The following CACNB2 variants were observed in gnomAD, a reference collection of about 807,000 sequenced individuals.
CACNB2 encodes calcium voltage-gated channel auxiliary subunit beta 2.
A neutral mutation model predicts 73.3 loss-of-function variants in CACNB2; 42 were observed. The ratio of observed to expected loss-of-function variants is 0.57; its 90% CI spans 0.45 to 0.74. The LOEUF (loss-of-function observed/expected upper bound fraction) is 0.74, where lower values mean the gene tolerates loss of function less well. CACNB2 is among the 30% of genes least tolerant of loss of function. The pLI, the probability that CACNB2 is intolerant of heterozygous loss-of-function variation, is 0.00. For missense variants in CACNB2, 940 were observed against 853.0 expected, an observed-to-expected ratio of 1.10 and a Z score of -1.27; for synonymous variants, 348 against 310.3, an observed-to-expected ratio of 1.12 and a Z score of -1.28.
intron 2 of CACNB2, among the ~76,000 whole-genome samples, chr10:18,314,246 G>A (rs1035889890): frequency 1.6e-4 from 25 of 152,148 alleles, no homozygotes; most frequent in African/African-American, 5.6e-4. Flanking sequence ...GTTGGGATTC[G>A]GGGAAAAGTA....
intron 2 of CACNB2, among the ~76,000 whole-genome samples, chr10:18,367,126 A>T (rs915333865): frequency 3.9e-5 from 6 of 152,102 alleles, no homozygotes; most frequent in Middle Eastern, 3.2e-3. Context: ...ATTTTTCATC[A>T]TTTTTTTAAC....
At chr10:18,174,651 G>T (rs1383082722) in intron 2 of CACNB2, among the ~76,000 whole-genome samples, 4 of 151,920 alleles carry the variant, frequency 2.6e-5, no homozygotes, top group Non-Finnish European at 5.9e-5. Flanking sequence ...TGATCCACCC[G>T]CCTTGGCCTC....
chr10:18,211,009 A>G (rs899806968), intron 2 of CACNB2, among the ~76,000 whole-genome samples: 1 of 152,190 alleles, frequency 6.6e-6, no homozygotes, highest in Non-Finnish European at 1.5e-5. Context: ...GCTACTTTGT[A>G]GAATTGCTGT....
Position 18,220,845 on chromosome 10 carries a change from C to T in CACNB2, c.213+69870C>T, listed in dbSNP as rs116597796. On this transcript the variant is annotated intron_variant, in intron 2 of 13. Transcript: ENST00000324631. ...TGATCTGAGGTGGAACAGTTTCATC[C>T]CAAAACCATTCCCTACAATCCCCCC... is the stretch of plus-strand genomic sequence containing the variant. 7.0e-3 allele frequency among the ~76,000 whole-genome samples: 1,064 copies of T among 152,230 alleles called. 14 individuals are homozygous for T. Among genetic ancestry groups the T allele is most frequent in the African/African-American group, 0.024 (1,013 of 41,538 alleles).
intron 3 of CACNB2, among the ~76,000 whole-genome samples, chr10:18,489,554 G>A (rs918211207): frequency 6.6e-6 from 1 of 151,624 alleles, no homozygotes; most frequent in Non-Finnish European, 1.5e-5. Flanking sequence ...GAGACTACAA[G>A]CGTGTGCCAC....
chr10:18,528,620 A>G (rs901738343), intron 10 of CACNB2, among the ~76,000 whole-genome samples: 1 of 152,228 alleles, frequency 6.6e-6, no homozygotes, highest in African/African-American at 2.4e-5. Flanking sequence ...ATAAATAATA[A>G]GCTTTATATG....
chr10:18,145,593 A>T (rs1409041035), intron 1 of CACNB2, among the ~76,000 whole-genome samples: 2 of 152,130 alleles, frequency 1.3e-5, no homozygotes, highest in East Asian at 3.9e-4. Context: ...CTGTTGCTGT[A>T]TTTAATTCCT....
At position 18,152,709 on chromosome 10, in the gene CACNB2, C is replaced by CAAAAAA. The variant is rs772732675; in HGVS notation, c.213+1752_213+1757dup. 9.6e-3 allele frequency among the ~76,000 whole-genome samples: 473 copies of CAAAAAA among 49,182 alleles called. 12 individuals carry two copies. The highest frequency in any genetic ancestry group is 0.018 in the Middle Eastern group (1 of 56). The allele number at this position is 49,182 out of a possible 152,430, so 32.3% of individuals were successfully genotyped here. A position where few individuals can be genotyped will look rare whatever the true frequency, so the allele number is the denominator to read the frequency against. ...TCATCATGCAGGACCTGAAACAGACCAAAAAAAAAAAAAAAAAAAAAAACA... is the reference window on the plus strand; with the variant it reads ...TCATCATGCAGGACCTGAAACAGACCAAAAAAAAAAAAAAAAAAAAAAAAAAAAACA... On this transcript the variant is annotated intron_variant, in intron 2 of 13. Coordinates refer to ENST00000324631, the MANE Select transcript of CACNB2 (RefSeq NM_201596.3).
At chr10:18,232,194 TATA>T (rs2036250108) in intron 2 of CACNB2, among the ~76,000 whole-genome samples, 1 of 152,228 alleles carries the variant, frequency 6.6e-6, no homozygotes, top group Admixed American at 6.5e-5. Flanking sequence ...GGAAAGAAGA[TATA>T]ATAATATTTC....
rs2031104500 is a variant in CACNB2 at position 18,147,520 on chromosome 10, T to C, written c.121-3363T>C. Among the ~76,000 whole-genome samples the C allele has an allele frequency of 4.6e-5, 7 of 152,272 alleles. No homozygotes were observed. In the South Asian group the frequency reaches 1.5e-3, roughly 32 times the overall value. ...ACCTGCATGTGTCAGGGAGAATCTA[T>C]AGGTAACACCTTGTACTACAGCCAA... On this transcript the variant is annotated intron_variant, in intron 1 of 13. Transcript: ENST00000324631.
intron 2 of CACNB2, among the ~76,000 whole-genome samples, chr10:18,253,356 A>T (rs1018660457): frequency 2.6e-5 from 4 of 152,228 alleles, no homozygotes; most frequent in African/African-American, 7.2e-5. Context: ...TAATAAAAAT[A>T]TATGCAGTTC....
At chr10:18,477,260 C>G (rs1186462001) in intron 3 of CACNB2, among the ~76,000 whole-genome samples, 1 of 152,142 alleles carries the variant, frequency 6.6e-6, no homozygotes, top group Non-Finnish European at 1.5e-5. Context: ...TCACTTTCAT[C>G]ACCATCTTGA....
rs1380421616 is a variant in CACNB2, at chr10:18,141,290, C to T, written c.120+434C>T. On this transcript the variant is annotated intron_variant, in intron 1 of 13. Transcript: ENST00000324631. Reference sequence around the variant, plus strand: ...GATGCCGACTCTCCTGGCCACGCTCCGAGCCGGGGTGGGCGTGGGTGTGAG... The same window carrying T: ...GATGCCGACTCTCCTGGCCACGCTCTGAGCCGGGGTGGGCGTGGGTGTGAG... 3.9e-6 allele frequency: 5 copies of T among 1,292,350 alleles called. No homozygotes were observed. In the Admixed American group the frequency reaches 7.9e-5, roughly 20 times the overall value. The allele number at this position is 1,292,350 out of a possible 1,614,324, so 80.1% of individuals were successfully genotyped here.
chr10:18,489,390 C>CAAAAAAAAAAAAAAAAAAAAAAAAAAA (rs66974116), intron 3 of CACNB2, among the ~76,000 whole-genome samples: 2 of 59,802 alleles, frequency 3.3e-5, no homozygotes, highest in African/African-American at 6.9e-5. Flanking sequence ...AACTCCATCT[C>CAAAAAAAAAAAAAAAAAAAAAAAAAAA]AAAAAAAAAA....
chr10:18,527,032 A>G (rs1388588410), intron 9 of CACNB2, among the ~76,000 whole-genome samples: 1 of 152,234 alleles, frequency 6.6e-6, no homozygotes, highest in Non-Finnish European at 1.5e-5. Flanking sequence ...ATTCAAATAA[A>G]GTGCTCAGTA....
At chr10:18,254,456 C>A (rs1287744793) in intron 2 of CACNB2, among the ~76,000 whole-genome samples, 1 of 151,960 alleles carries the variant, frequency 6.6e-6, no homozygotes, top group Non-Finnish European at 1.5e-5. Context: ...TTATTTACTT[C>A]TCCTGCTATC....
At chr10:18,449,272 C>T (rs1470601376) in intron 3 of CACNB2, among the ~76,000 whole-genome samples, 2 of 152,146 alleles carry the variant, frequency 1.3e-5, no homozygotes, top group Non-Finnish European at 2.9e-5. Flanking sequence ...GTAGTCCCAG[C>T]TACTCGGGAG....
chr10:18,539,811 A>T lies in CACNB2; in HGVS notation c.*87A>T. ...CCAAAACAAAGTCTTTGGGGTCTAC[A>T]CTGCAATCATATGTGATCTGTCTTG... On this transcript the variant is annotated 3_prime_UTR_variant, in exon 14 of 14. Transcript: ENST00000324631. 14 of 1,312,106 alleles carry T rather than the reference A, an allele frequency of 1.1e-5. No homozygotes were observed. The highest frequency in any genetic ancestry group is 8.3e-5 in the Admixed American group (4 of 48,362). 81.3% of individuals were successfully genotyped at this position (1,312,106 alleles called of 1,614,324 possible).
At chr10:18,240,045 A>G (rs1013686938) in intron 2 of CACNB2, among the ~76,000 whole-genome samples, 1 of 152,192 alleles carries the variant, frequency 6.6e-6, no homozygotes, top group East Asian at 1.9e-4. Flanking sequence ...CATATTTAAA[A>G]ACTTTTTTAA....
Sources: gnomAD v4.1 joint callset for allele counts (sites outside exome capture counted in the v4.1 genomes callset) on GRCh38, gnomAD v4.1.1 for gene constraint, MANE v1.5 for transcripts, NCBI Gene and HGNC (gene_info 2026-07-23, HGNC 2026-07-21) for gene names.